Variants in CCDC178 observed in about 807,000 individuals in gnomAD.
CCDC178 encodes the protein coiled-coil domain-containing protein 178.
CCDC178 carries 126 observed loss-of-function variants against 117.4 expected under a neutral mutation model. The ratio of observed to expected loss-of-function variants is 1.07; its 90% CI spans 0.93 to 1.24. The LOEUF is 1.24. Among genes scored for constraint, CCDC178 ranks in the 50% most tolerant of loss-of-function variants. The pLI is 0.00. For synonymous variants in CCDC178, 283 were observed against 313.4 expected (o/e 0.90, Z 1.02); for missense variants, 1,030 against 986.9 (o/e 1.04, Z -0.59).
At chr18:33,127,610 A>G (rs2058023699) in intron 20 of CCDC178, among the ~76,000 whole-genome samples, 1 of 151,814 alleles carries the variant, frequency 6.6e-6, no homozygotes, top group South Asian at 2.1e-4. Context: ...TAATTTTTGT[A>G]ATTTTAGTAG....
At chr18:33,096,309 AT>A (rs1328286758) in intron 20 of CCDC178, among the ~76,000 whole-genome samples, 1 of 100,982 alleles carries the variant, frequency 9.9e-6, no homozygotes, top group Admixed American at 9.1e-5. Flanking sequence ...AAAATATAAA[AT>A]TTTTATATTT....
intron 21 of CCDC178, among the ~76,000 whole-genome samples, chr18:32,978,203 A>ATTTTTTTTTTTTTTTTTTTTTTTT (rs34863142): frequency 5.6e-5 from 5 of 90,022 alleles, no homozygotes; most frequent in Non-Finnish European, 8.2e-5. Context: ...CTCAAAAAAG[A>ATTTTTTTTTTTTTTTTTTTTTTTT]TTTTTTTTTT....
At chr18:33,191,139 A>G (rs960226284) in intron 20 of CCDC178, among the ~76,000 whole-genome samples, 1 of 152,162 alleles carries the variant, frequency 6.6e-6, no homozygotes, top group Admixed American at 6.5e-5. Context: ...AGATTACCAC[A>G]TTCAGAATTC....
At chr18:33,327,593 T>C (rs1162591253) in intron 10 of CCDC178, among the ~76,000 whole-genome samples, 1 of 152,200 alleles carries the variant, frequency 6.6e-6, no homozygotes, top group Non-Finnish European at 1.5e-5. Flanking sequence ...ATGGTTCCAG[T>C]GTCTCTAGGG....
At chr18:33,256,651 A>T (rs1256607392) in intron 14 of CCDC178, among the ~76,000 whole-genome samples, 1 of 152,060 alleles carries the variant, frequency 6.6e-6, no homozygotes, top group African/African-American at 2.4e-5. Context: ...ATCTTTTTGA[A>T]TACTGCTTTC....
At chr18:33,142,702 AATG>A (rs1483516951) in intron 20 of CCDC178, among the ~76,000 whole-genome samples, 1 of 152,204 alleles carries the variant, frequency 6.6e-6, no homozygotes, top group Non-Finnish European at 1.5e-5. Context: ...GGGCCTGTAG[AATG>A]ATATTAAACA....
At chr18:33,100,637 T>A (rs575617538) in intron 20 of CCDC178, among the ~76,000 whole-genome samples, 1 of 152,122 alleles carries the variant, frequency 6.6e-6, no homozygotes, top group South Asian at 2.1e-4. Flanking sequence ...GAGCTCTGTA[T>A]GTGGTCTTAG....
At chr18:33,307,350 A>G (rs1309161593) in intron 11 of CCDC178, among the ~76,000 whole-genome samples, 1 of 152,194 alleles carries the variant, frequency 6.6e-6, no homozygotes, top group Non-Finnish European at 1.5e-5. Flanking sequence ...TGGGGATTGG[A>G]GCAAAAGTTA....
intron 20 of CCDC178, among the ~76,000 whole-genome samples, chr18:33,118,765 G>T (rs866310843): frequency 1.3e-5 from 2 of 152,246 alleles, no homozygotes; most frequent in Admixed American, 1.3e-4. Context: ...AAAGCTGAAG[G>T]CATCATGCTA....
chr18:33,083,778 C>T lies in CCDC178; in HGVS notation c.2388+8983G>A, dbSNP rs2057334724. Among the ~76,000 whole-genome samples the T allele has an allele frequency of 3.3e-5, 5 of 152,288 alleles. 1 individual carries two copies. In the South Asian group the frequency reaches 1.0e-3, roughly 32 times the overall value. ...TGAAATATTTTCCCATAGTTTTAAACCCACAGACATTTAATTTTCATGTCA... is the reference window on the plus strand; with the variant it reads ...TGAAATATTTTCCCATAGTTTTAAATCCACAGACATTTAATTTTCATGTCA... On this transcript the variant is annotated intron_variant, in intron 21 of 22. Transcript: ENST00000383096.
chr18:33,269,229 T>C (rs901933551), intron 12 of CCDC178, among the ~76,000 whole-genome samples: 1 of 151,776 alleles, frequency 6.6e-6, no homozygotes, highest in Non-Finnish European at 1.5e-5. Context: ...ATTGATAAAC[T>C]CTGTGGCCAC....
intron 21 of CCDC178, among the ~76,000 whole-genome samples, chr18:33,053,370 G>T (rs1201001724): frequency 2.6e-5 from 4 of 152,160 alleles, no homozygotes; most frequent in Admixed American, 1.3e-4. Context: ...ATTTATTACA[G>T]TGATTCAAAT....
intron 22 of CCDC178, 162 bp from the exon 23 acceptor site, chr18:32,938,253 G>T: frequency 1.8e-6 from 1 of 556,246 alleles, no homozygotes. Context: ...TAAACCCCAA[G>T]GAAGAGTGAT....
At chr18:33,385,508 C>T (rs1367737222) in intron 5 of CCDC178, among the ~76,000 whole-genome samples, 3 of 152,134 alleles carry the variant, frequency 2.0e-5, no homozygotes, top group Non-Finnish European at 4.4e-5. Context: ...TCATAACAAA[C>T]ACTCTCTCAG....
intron 21 of CCDC178, among the ~76,000 whole-genome samples, chr18:33,038,262 A>C (rs1445235738): frequency 6.6e-6 from 1 of 151,992 alleles, no homozygotes; most frequent in African/African-American, 2.4e-5. Context: ...TTGGAAAACT[A>C]TGAACAAGAT....
chr18:33,413,664 A>G (rs1343914434), intron 2 of CCDC178, among the ~76,000 whole-genome samples: 1 of 151,682 alleles, frequency 6.6e-6, no homozygotes, highest in East Asian at 2.0e-4. Flanking sequence ...AAAAATCCAG[A>G]GAAGTGAGAC....
chr18:33,115,044 C>T (rs1360987510), intron 20 of CCDC178, among the ~76,000 whole-genome samples: 1 of 152,016 alleles, frequency 6.6e-6, no homozygotes, highest in African/African-American at 2.4e-5. Flanking sequence ...TCTCATGTTG[C>T]ACCAGAGAGA....
intron 22 of CCDC178, among the ~76,000 whole-genome samples, chr18:32,973,079 C>G (rs937452071): frequency 6.6e-6 from 1 of 151,898 alleles, no homozygotes; most frequent in African/African-American, 2.4e-5. Flanking sequence ...TACAAATAAG[C>G]AATTTAAAAT....
intron 21 of CCDC178, among the ~76,000 whole-genome samples, chr18:33,047,302 G>A (rs543075449): frequency 2.6e-5 from 4 of 152,102 alleles, no homozygotes; most frequent in South Asian, 2.1e-4. Flanking sequence ...TAGTTGTTCT[G>A]GTTTAAGTTC....
Sources: allele counts gnomAD v4.1 joint callset (sites outside exome capture counted in the v4.1 genomes callset), GRCh38; gene constraint gnomAD v4.1.1; transcripts MANE v1.5; gene names NCBI Gene and HGNC (gene_info 2026-07-23, HGNC 2026-07-21).